CEP63: variants seen among roughly 807,000 people sequenced by gnomAD.
The protein encoded by CEP63 is centrosomal protein 63, also known as centrosomal protein of 63 kDa.
Under a neutral mutation model 89.1 loss-of-function variants are expected in CEP63, and 84 were observed. The ratio of observed to expected loss-of-function variants is 0.94; its 90% CI spans 0.79 to 1.13. The LOEUF is 1.13. Among genes scored for constraint, CEP63 ranks in the 50% most tolerant of loss-of-function variants. CEP63 has a pLI of 0.00. For synonymous variants in CEP63, 267 were observed against 272.5 expected, an observed-to-expected ratio of 0.98 and a Z score of 0.20; for missense variants, 838 against 813.3, an observed-to-expected ratio of 1.03 and a Z score of -0.37.
the CEP63 span, among the ~76,000 whole-genome samples, chr3:134,706,121 A>G: frequency 6.6e-6 from 1 of 152,144 alleles, no homozygotes; most frequent in Non-Finnish European, 1.5e-5. Flanking sequence ...ACTAAGTGGT[A>G]GAAATTTTAA....
intron 3 of CEP63, among the ~76,000 whole-genome samples, chr3:134,524,335 G>A (rs900851467): frequency 2.6e-5 from 4 of 152,126 alleles, no homozygotes; most frequent in African/African-American, 9.7e-5. Flanking sequence ...CTACAAACAG[G>A]AATAGTTTGA....
chr3:134,649,965 C>G, the CEP63 span, among the ~76,000 whole-genome samples: 2 of 152,180 alleles, frequency 1.3e-5, no homozygotes, highest in African/African-American at 4.8e-5. Flanking sequence ...AGAACTGGCC[C>G]GCAGTCCGCC....
At chr3:134,608,088 C>T in the CEP63 span, 1 of 1,123,144 alleles carries the variant, frequency 8.9e-7, no homozygotes, top group Non-Finnish European at 1.1e-6. Flanking sequence ...CCCCACCTGT[C>T]CTGGGAGACC....
the CEP63 span, among the ~76,000 whole-genome samples, chr3:134,754,827 A>T: frequency 5.9e-5 from 9 of 152,198 alleles, no homozygotes; most frequent in East Asian, 1.2e-3. Flanking sequence ...TGACTCCTAG[A>T]TAGAGACAGG....
At chr3:134,553,325 G>A (rs1955335685) in intron 12 of CEP63, 1 of 152,044 alleles carries the variant, frequency 6.6e-6, no homozygotes, top group South Asian at 2.1e-4. Flanking sequence ...ACATCATGAC[G>A]CCATAGAGGA....
intron 12 of CEP63, among the ~76,000 whole-genome samples, chr3:134,557,731 A>G (rs933960004): frequency 1.3e-5 from 2 of 152,130 alleles, no homozygotes; most frequent in African/African-American, 4.8e-5. Context: ...TTTTCTCACA[A>G]CTTTTTGTTC....
the CEP63 span, among the ~76,000 whole-genome samples, chr3:134,608,995 T>C: frequency 2.0e-5 from 3 of 152,128 alleles, no homozygotes; most frequent in Non-Finnish European, 4.4e-5. Context: ...AGTGGATGCT[T>C]CCAGAAATTG....
At chr3:134,533,251 A>G (rs370829743) in intron 5 of CEP63, among the ~76,000 whole-genome samples, 1 of 152,222 alleles carries the variant, frequency 6.6e-6, no homozygotes, top group African/African-American at 2.4e-5. Flanking sequence ...AGTGTTCCAC[A>G]CAGGAAGGAT....
At chr3:134,716,406 A>T in the CEP63 span, among the ~76,000 whole-genome samples, 1 of 152,048 alleles carries the variant, frequency 6.6e-6, no homozygotes, top group African/African-American at 2.4e-5. Flanking sequence ...TGTAGGTATG[A>T]CCCCTTCCCC....
chr3:134,502,308 G>T (rs1942226589), intron 2 of CEP63, among the ~76,000 whole-genome samples: 2 of 152,052 alleles, frequency 1.3e-5, no homozygotes, highest in South Asian at 4.1e-4. Context: ...ATCTTTGCCA[G>T]ATTTTGGTAT....
At chr3:134,683,583 G>A in the CEP63 span, among the ~76,000 whole-genome samples, 1 of 152,102 alleles carries the variant, frequency 6.6e-6, no homozygotes, top group African/African-American at 2.4e-5. Context: ...ATCTACAGTG[G>A]TTAAGTCAAA....
intron 3 of CEP63, among the ~76,000 whole-genome samples, chr3:134,518,941 T>C (rs1160156038): frequency 7.9e-5 from 12 of 152,208 alleles, no homozygotes; most frequent in African/African-American, 2.9e-4. Flanking sequence ...ATAACTAATG[T>C]TAGCAATTAA....
At chr3:134,672,703 T>C in the CEP63 span, among the ~76,000 whole-genome samples, 1 of 152,190 alleles carries the variant, frequency 6.6e-6, no homozygotes, top group Admixed American at 6.5e-5. Flanking sequence ...GCTCTTGTCT[T>C]CCTCTTACTG....
At chr3:134,659,730 G>T in the CEP63 span, among the ~76,000 whole-genome samples, 1 of 152,204 alleles carries the variant, frequency 6.6e-6, no homozygotes, top group South Asian at 2.1e-4. Flanking sequence ...CACAGAAAAG[G>T]GCTTTGGAGG....
chr3:134,630,817 C>A, the CEP63 span, among the ~76,000 whole-genome samples: 44 of 152,106 alleles, frequency 2.9e-4, 1 homozygote, highest in African/African-American at 1.0e-3. Flanking sequence ...ACTCCACACA[C>A]AAAAAACCAG....
chr3:134,693,766 C>A, the CEP63 span, among the ~76,000 whole-genome samples: 30 of 152,306 alleles, frequency 2.0e-4, no homozygotes, highest in African/African-American at 7.0e-4. Flanking sequence ...CGTAGAGAAC[C>A]TGAGTGCAAG....
intron 12 of CEP63, among the ~76,000 whole-genome samples, chr3:134,555,689 C>A (rs1332917545): frequency 6.6e-6 from 1 of 152,060 alleles, no homozygotes; most frequent in Non-Finnish European, 1.5e-5. Flanking sequence ...GTGAAAATGG[C>A]TATACTGCCC....
At chr3:134,489,809 T>A (rs1937002859) in intron 1 of CEP63, among the ~76,000 whole-genome samples, 1 of 152,196 alleles carries the variant, frequency 6.6e-6, no homozygotes, top group Non-Finnish European at 1.5e-5. Context: ...CCTCCAAAGG[T>A]AACCATGAGG....
At chr3:134,570,967 A>G (rs1957985843) in intron 11 of CEP63, among the ~76,000 whole-genome samples, 1 of 152,198 alleles carries the variant, frequency 6.6e-6, no homozygotes. Flanking sequence ...ATCAGATCTC[A>G]TGAGACTTAT....
Sources: gnomAD v4.1 joint callset for allele counts (sites outside exome capture counted in the v4.1 genomes callset) on GRCh38, gnomAD v4.1.1 for gene constraint, MANE v1.5 for transcripts, NCBI Gene and HGNC (gene_info 2026-07-23, HGNC 2026-07-21) for gene names.